IRAG2: variants seen among roughly 807,000 people sequenced by gnomAD.
IRAG2 encodes the protein inositol 1,4,5-triphosphate receptor associated 2.
Under a neutral mutation model 69.9 loss-of-function variants are expected in IRAG2, and 45 were observed. The observed-to-expected ratio is 0.64, with a 90% CI of 0.51 to 0.83. IRAG2 has a LOEUF of 0.83. IRAG2 is among the 40% of genes least tolerant of loss of function. The pLI, the probability that IRAG2 is intolerant of heterozygous loss-of-function variation, is 0.00. For synonymous variants in IRAG2, 193 were observed against 202.4 expected, an observed-to-expected ratio of 0.95 and a Z score of 0.40; for missense variants, 520 against 587.0, an observed-to-expected ratio of 0.89 and a Z score of 1.18.
intron 6 of IRAG2, among the ~76,000 whole-genome samples, chr12:25,069,903 C>T (rs11047808): frequency 0.013 from 1,989 of 152,232 alleles, 46 homozygotes; most frequent in African/African-American, 0.045. Context: ...AAGTTAGGTG[C>T]TAATGCCACT....
Position 25,063,764 on chromosome 12 carries a change from A to G in IRAG2, c.-259A>G. On this transcript the variant is annotated 5_prime_UTR_variant, in exon 4 of 22. It adds an upstream start codon to the 5' untranslated region. Transcript: ENST00000556887. ...TATATGGTGGTCAAGAAGCAAGAAT[A>G]CATCAGACACCCCTGACCTTGAAAC... 1 of 399,082 alleles carries G rather than the reference A, an allele frequency of 2.5e-6. No homozygotes were observed. 24.7% of individuals were successfully genotyped at this position (399,082 alleles called of 1,614,324 possible).
intron 12 of IRAG2, chr12:25,032,471 G>A (rs919438042): frequency 5.5e-5 from 22 of 397,828 alleles, no homozygotes; most frequent in Non-Finnish European, 7.5e-5. Flanking sequence ...TCTTCTATAC[G>A]TTTGTATGTG....
chr12:25,105,815 A>C (rs1949051755), intron 20 of IRAG2, among the ~76,000 whole-genome samples: 1 of 152,226 alleles, frequency 6.6e-6, no homozygotes, highest in Non-Finnish European at 1.5e-5. Context: ...TTAAAAACTA[A>C]AGTCTATCAT....
At chr12:25,004,337 C>T (rs1417823668), upstream of IRAG2, 1 of 1,231,868 alleles carries the variant, frequency 8.1e-7, no homozygotes, top group Non-Finnish European at 1.0e-6. Context: ...GGAGGAAAGT[C>T]AACAATGGCC....
At chr12:25,101,150 TA>T in intron 15 of IRAG2, 27 bp from the exon 16 acceptor site, 1 of 1,584,404 alleles carries the variant, frequency 6.3e-7, no homozygotes, top group Non-Finnish European at 8.6e-7. Context: ...ATTTTCAATG[TA>T]AATGTGCTCG....
chr12:25,089,403 T>C (rs962805477), intron 11 of IRAG2, among the ~76,000 whole-genome samples: 1 of 151,702 alleles, frequency 6.6e-6, no homozygotes, highest in African/African-American at 2.4e-5. Context: ...ACTATTCACA[T>C]GCTGAGGTAT....
At chr12:25,004,555 C>G in exon 1 of IRAG2, 1 of 1,232,118 alleles carries the variant, frequency 8.1e-7, no homozygotes, top group Non-Finnish European at 1.0e-6. Flanking sequence ...TGTTCCTACG[C>G]CCGGCTCTCA....
chr12:25,102,279 C>T (rs765779540), intron 17 of IRAG2, 38 bp downstream of exon 17: 3 of 1,522,262 alleles, frequency 2.0e-6, no homozygotes, highest in Non-Finnish European at 2.7e-6. Context: ...CTAGCAAATA[C>T]TATAAGACGG....
At position 25,052,734 on chromosome 12, in the gene IRAG2, CTCCA is replaced by C; in HGVS notation, c.-667_-664del. 2.5e-6 allele frequency: 1 copy of C among 398,524 alleles called. No homozygotes were observed. The highest frequency in any genetic ancestry group is 2.1e-5 in the African/African-American group (1 of 48,746). The allele number at this position is 398,524 out of a possible 1,614,324, so 24.7% of individuals were successfully genotyped here. ...TTTGCCTGCATCATAAGAGTGAGCA[CTCCA>C]TTGCTTTCTTTCCTGGCCACACTGC... On this transcript the variant is annotated 5_prime_UTR_variant, in exon 1 of 22. Coordinates refer to ENST00000556887, the MANE Select transcript of IRAG2 (RefSeq NM_001366544.2).
At chr12:25,105,711 T>G (rs1767781842) in intron 20 of IRAG2, among the ~76,000 whole-genome samples, 1 of 152,220 alleles carries the variant, frequency 6.6e-6, no homozygotes, top group South Asian at 2.1e-4. Flanking sequence ...TATGGTATGA[T>G]TTCTACTGAG....
rs1489840964 is a variant in IRAG2, at chr12:25,089,785, G to T, written c.460G>T (p.Val154Leu). The change falls in exon 13 of 22, where the codon GTG becomes TTG. Residue 154 changes from valine (V) to leucine (L), a missense_variant. Val to Leu is a conservative substitution (Grantham distance 32). Coordinates refer to ENST00000556887, the MANE Select transcript of IRAG2 (RefSeq NM_001366544.2). ...SENTSANEKEVEAEFLRLSLG... is the reference protein window; with the variant it reads ...SENTSANEKELEAEFLRLSLG... ...CAGCACTTCTGCTAATGAGAAGGAG[G>T]TGGAGGTGAGTTTAAAGCAAATTTT... The T allele has an allele frequency of 6.2e-7, 1 of 1,612,954 alleles. No individual in the cohort carries two copies. Among genetic ancestry groups the T allele is most frequent in the Non-Finnish European group, 8.5e-7 (1 of 1,179,948 alleles).
intron 17 of IRAG2, 94 bp from the exon 18 acceptor site, chr12:25,103,743 C>A: frequency 1.1e-6 from 1 of 877,944 alleles, no homozygotes. Context: ...TGGTCAAGTA[C>A]ACGGATATGC....
At chr12:25,050,541 AAAC>A (rs569965174), upstream of IRAG2, among the ~76,000 whole-genome samples, 5,978 of 26,556 alleles carry the variant, frequency 0.23, 487 homozygotes, top group African/African-American at 0.28. Flanking sequence ...AAAAACAAAC[AAAC>A]AAACAAACAA....
At chr12:25,088,038 G>C in intron 10 of IRAG2, 62 bp from the exon 11 acceptor site, 2 of 1,244,278 alleles carry the variant, frequency 1.6e-6, no homozygotes, top group Non-Finnish European at 2.4e-6. Context: ...CAGGAAGTAG[G>C]AAAATGACTG....
chr12:25,047,933 T>A (rs543235209), upstream of IRAG2, among the ~76,000 whole-genome samples: 1 of 152,356 alleles, frequency 6.6e-6, no homozygotes, highest in Non-Finnish European at 1.5e-5. Flanking sequence ...CGCTTGCATG[T>A]ATCTTTATAA....
intron 6 of IRAG2, among the ~76,000 whole-genome samples, chr12:25,020,022 C>G (rs935835132): frequency 6.6e-6 from 1 of 152,194 alleles, no homozygotes; most frequent in Non-Finnish European, 1.5e-5. Flanking sequence ...AGTCATTCTT[C>G]CCTTCTTCAA....
chr12:25,038,335 G>A (rs888876387), intron 16 of IRAG2, among the ~76,000 whole-genome samples: 3 of 152,090 alleles, frequency 2.0e-5, no homozygotes, highest in Non-Finnish European at 4.4e-5. Flanking sequence ...AATTGCAAAT[G>A]ACGAACTATA....
chr12:25,107,683 A>AAATC, intron 21 of IRAG2, 134 bp from the exon 22 acceptor site: 2 of 768,466 alleles, frequency 2.6e-6, no homozygotes, highest in South Asian at 3.6e-5. Flanking sequence ...CCAAAATGAT[A>AAATC]AATCATAATA....
chr12:25,004,862 A>G (rs1350718105), exon 1 of IRAG2: 10 of 1,231,900 alleles, frequency 8.1e-6, no homozygotes, highest in Non-Finnish European at 1.0e-5. Context: ...CAAAGCTTGA[A>G]GTGTTTTGAT....
Sources: allele counts gnomAD v4.1 joint callset (sites outside exome capture counted in the v4.1 genomes callset), GRCh38; gene constraint gnomAD v4.1.1; transcripts MANE v1.5; gene names NCBI Gene and HGNC (gene_info 2026-07-23, HGNC 2026-07-21).